Variants in NLRC5 observed in about 807,000 individuals in gnomAD.
The protein encoded by NLRC5 is NLR family CARD domain containing 5.
Under a neutral mutation model 206.9 loss-of-function variants are expected in NLRC5, and 114 were observed. The observed-to-expected ratio is 0.55, with a 90% CI of 0.47 to 0.64. NLRC5 has a LOEUF of 0.64. Ranked by LOEUF, NLRC5 falls within the 30% of genes least tolerant of loss-of-function variation. The probability of loss-of-function intolerance (pLI) is 0.00; values close to 1 mark genes in which losing one functional copy is unlikely to be tolerated. For missense variants in NLRC5, 2,008 were observed against 2,305.5 expected (o/e 0.87, Z 2.64); for synonymous variants, 952 against 962.8 (o/e 0.99, Z 0.21).
chr16:57,080,749 G>A, intron 46 of NLRC5: 1 of 220,016 alleles, frequency 4.5e-6, no homozygotes, highest in Non-Finnish European at 9.1e-6. Flanking sequence ...TTACAGGCGT[G>A]AGCAACCACG....
At chr16:57,002,870 C>T (rs1385795133) in intron 1 of NLRC5, among the ~76,000 whole-genome samples, 2 of 152,100 alleles carry the variant, frequency 1.3e-5, no homozygotes, top group Non-Finnish European at 2.9e-5. Flanking sequence ...GTCTCAATCT[C>T]TTGACCTCAT....
At chr16:57,064,440 T>G (rs1266185033) in intron 32 of NLRC5, among the ~76,000 whole-genome samples, 1 of 152,254 alleles carries the variant, frequency 6.6e-6, no homozygotes, top group Non-Finnish European at 1.5e-5. Flanking sequence ...TCTATCATCT[T>G]AAACAACCAC....
Position 57,054,799 on chromosome 16 carries a change from C to T in NLRC5, c.3555C>T (p.Asn1185=). The change falls in exon 25 of 49, where the codon AAC becomes AAT. Residue 1185 remains asparagine, a synonymous_variant. Coordinates refer to ENST00000688547, the MANE Select transcript of NLRC5 (RefSeq NM_001384950.1). The part of the protein sequence containing the change: ...LSPKSPFLLA[N]TLSLCPRVKK... ...CGAAAAGCCCCTTCCTGCTGGCCAACACCTTAAGCCTGTGTCCACGGGTTA... is the reference window on the plus strand; with the variant it reads ...CGAAAAGCCCCTTCCTGCTGGCCAATACCTTAAGCCTGTGTCCACGGGTTA... 1 of 1,614,224 alleles carries T rather than the reference C, an allele frequency of 6.2e-7. No homozygotes were observed. Among genetic ancestry groups the T allele is most frequent in the East Asian group, 2.2e-5 (1 of 44,888 alleles).
chr16:57,051,853 G>A (rs1036032618), intron 24 of NLRC5, among the ~76,000 whole-genome samples: 3 of 152,074 alleles, frequency 2.0e-5, no homozygotes, highest in South Asian at 2.1e-4. Flanking sequence ...CTCAGGGGGC[G>A]TCGTTTGCCT....
intron 2 of NLRC5, 70 bp from the exon 3 acceptor site, chr16:57,020,631 C>T: frequency 1.2e-6 from 1 of 852,100 alleles, no homozygotes; most frequent in Non-Finnish European, 1.6e-6. Context: ...CCAAGTTCCC[C>T]TGTCCCTCAG....
At position 57,041,521 on chromosome 16, in the gene NLRC5, G is replaced by C; in HGVS notation, c.2976G>C (p.Glu992Asp). ...THCGLQEKHL[E>D]QLCKALGGSC... is the part of the protein sequence containing the mutation. ...GTGGCCTCCAAGAAAAGCACCTAGA[G>C]CAGCTCTGCAAGGCTCTGGGAGGAA... Residue 992 changes from glutamate (E) to aspartate (D), a missense_variant, in exon 18 of 49, where the codon GAG (glutamate) becomes GAC (aspartate). Physicochemically the swap from Glu to Asp is conservative, Grantham distance 45. Coordinates refer to ENST00000688547, the MANE Select transcript of NLRC5 (RefSeq NM_001384950.1). The C allele has an allele frequency of 6.2e-7, 1 of 1,614,154 alleles. No homozygotes were observed. The highest frequency in any genetic ancestry group is 8.5e-7 in the Non-Finnish European group (1 of 1,180,016).
rs1241122087 is a variant in NLRC5, at chr16:57,082,532, CCCCCT to C, written c.*6_*10del. The C allele has an allele frequency of 6.2e-7, 1 of 1,600,666 alleles. No homozygotes were observed. Among genetic ancestry groups the C allele is most frequent in the Non-Finnish European group, 8.6e-7 (1 of 1,168,160 alleles). On this transcript the variant is annotated 3_prime_UTR_variant, in exon 49 of 49. Coordinates refer to ENST00000688547, the MANE Select transcript of NLRC5 (RefSeq NM_001384950.1). The stretch of plus-strand genomic sequence containing the variant: ...CCAGGCCCCTTGGGGTACTTGATGG[CCCCCT>C]CAAGACCTTTGGAATCCAGCCAAGT...
rs766241963 is a variant in NLRC5 at position 57,034,227 on chromosome 16, A to G, written c.2603A>G (p.Glu868Gly). 1 of 1,614,036 alleles carries G rather than the reference A, an allele frequency of 6.2e-7. No homozygotes were observed. Among genetic ancestry groups the G allele is most frequent in the East Asian group, 2.2e-5 (1 of 44,886 alleles). ...GAGGCCCTCATAGCCCTGCTCCAGG[A>G]AGGCCCTCACCTGGAGGAAGTGGAG... ...DAEALIALLQ[E>G]GPHLEEVDLS... is the part of the protein sequence containing the mutation. Residue 868 changes from glutamate (E) to glycine (G), a missense_variant, in exon 13 of 49, where the codon GAA (glutamate) becomes GGA (glycine). Physicochemically the swap from Glu to Gly is moderately conservative, Grantham distance 98. Coordinates refer to ENST00000688547, the MANE Select transcript of NLRC5 (RefSeq NM_001384950.1).
chr16:57,043,726 G>T, intron 20 of NLRC5, 122 bp downstream of exon 20: 1 of 775,902 alleles, frequency 1.3e-6, no homozygotes, highest in South Asian at 1.4e-5. Flanking sequence ...ACCTTGGGCA[G>T]TACCAGATCT....
At chr16:57,047,787 GTC>G in intron 23 of NLRC5, 159 bp downstream of exon 23, 4 of 651,914 alleles carry the variant, frequency 6.1e-6, no homozygotes, top group Non-Finnish European at 1.1e-5. Context: ...AAACTTGGCT[GTC>G]TCTCGGCAGC....
In NLRC5 at chr16:57,067,497, G is replaced by A. The variant is rs781357597; in HGVS notation, c.4406+27G>A. ...TCAGCGCCTGGAAACTCTGTGTGGGGCCCTGAGTTCTCTGGTTGACCCTGG... is the reference window on the plus strand; with the variant it reads ...TCAGCGCCTGGAAACTCTGTGTGGGACCCTGAGTTCTCTGGTTGACCCTGG... On this transcript the variant is annotated intron_variant, in intron 35 of 48. Transcript: ENST00000688547. 1.9e-6 allele frequency: 3 copies of A among 1,606,334 alleles called. No homozygotes were observed. In the South Asian group the frequency reaches 3.3e-5, roughly 18 times the overall value.
intron 38 of NLRC5, among the ~76,000 whole-genome samples, chr16:57,072,593 GCCTCAGTCTAAAAGA>G (rs2067910735): frequency 6.6e-6 from 1 of 152,182 alleles, no homozygotes; most frequent in Admixed American, 6.5e-5. Context: ...GCCAGAAACA[GCCTCAGTCTAAAAGA>G]CAGGTCCCCG....
Position 57,074,586 on chromosome 16 carries a change from C to T in NLRC5, c.4668-14C>T, listed in dbSNP as rs1284843244. 5.6e-6 allele frequency: 9 copies of T among 1,613,346 alleles called. No homozygotes were observed. The highest frequency in any genetic ancestry group is 7.6e-6 in the Non-Finnish European group (9 of 1,179,442). ...CCCCCAGATGTCAAGTTCACCTGGC[C>T]TCCTCTTCTCCAGCCTCAGTCACCT... On this transcript the variant is annotated splice_polypyrimidine_tract_variant and intron_variant, in intron 38 of 48. Transcript: ENST00000688547.
intron 13 of NLRC5, among the ~76,000 whole-genome samples, chr16:57,035,562 C>A (rs1266575766): frequency 6.6e-6 from 1 of 152,192 alleles, no homozygotes; most frequent in East Asian, 1.9e-4. Flanking sequence ...CTGCTTCTAC[C>A]ACCAGGAACA....
rs747008465 is a variant in NLRC5 at position 57,078,028 on chromosome 16, G to A, written c.5081+8G>A. The stretch of plus-strand genomic sequence containing the variant: ...GCACCTGAGGGTCCTACAGTGAGTG[G>A]CCCCCTGCCCATACCATGCAGGGCT... On this transcript the variant is annotated splice_region_variant and intron_variant, in intron 43 of 48. Transcript: ENST00000688547. 1.0e-5 allele frequency: 16 copies of A among 1,582,644 alleles called. No individual in the cohort carries two copies. Among genetic ancestry groups the A allele is most frequent in the Non-Finnish European group, 1.3e-5 (15 of 1,159,646 alleles).
chr16:57,007,736 A>T (rs1430000336), intron 1 of NLRC5, among the ~76,000 whole-genome samples: 2 of 152,000 alleles, frequency 1.3e-5, no homozygotes, highest in African/African-American at 2.4e-5. Flanking sequence ...CTCAAAAAAA[A>T]ATTTTTAAAT....
At chr16:57,036,611 A>G (rs1254606100) in intron 14 of NLRC5, among the ~76,000 whole-genome samples, 1 of 149,058 alleles carries the variant, frequency 6.7e-6, no homozygotes, top group African/African-American at 2.5e-5. Context: ...AAGGTAGGCT[A>G]TTAGGCTGCT....
intron 46 of NLRC5, 36 bp from the exon 47 acceptor site, chr16:57,081,062 T>C (rs1470618140): frequency 6.5e-7 from 1 of 1,538,946 alleles, no homozygotes; most frequent in Admixed American, 2.0e-5. Flanking sequence ...ACCTCCTTGC[T>C]CTCCTGCCGC....
At chr16:57,012,012 A>G (rs1397772483) in intron 1 of NLRC5, among the ~76,000 whole-genome samples, 2 of 152,178 alleles carry the variant, frequency 1.3e-5, no homozygotes, top group Non-Finnish European at 2.9e-5. Flanking sequence ...GGACATTTTC[A>G]TTACTGCCAT....
Sources: gnomAD v4.1 joint callset for allele counts (sites outside exome capture counted in the v4.1 genomes callset) on GRCh38, gnomAD v4.1.1 for gene constraint, MANE v1.5 for transcripts, NCBI Gene and HGNC (gene_info 2026-07-23, HGNC 2026-07-21) for gene names.